PCNX4: variants seen among roughly 807,000 people sequenced by gnomAD.
The protein encoded by PCNX4 is pecanex-like protein 4.
A neutral mutation model predicts 107.2 loss-of-function variants in PCNX4; 103 were observed. The ratio of observed to expected loss-of-function variants is 0.96; its 90% CI spans 0.82 to 1.13. The LOEUF is 1.13. PCNX4 is among the 50% of genes most tolerant of loss of function. PCNX4 has a pLI of 0.00. For synonymous variants in PCNX4, 541 were observed against 481.7 expected, an observed-to-expected ratio of 1.12 and a Z score of -1.61; for missense variants, 1,528 against 1,379.4, an observed-to-expected ratio of 1.11 and a Z score of -1.71.
chr14:60,125,666 C>T lies in PCNX4; in HGVS notation c.3110C>T (p.Ala1037Val), dbSNP rs1410538667. Residue 1037 changes from alanine to valine, a missense_variant, in exon 10 of 11, where the codon GCA (alanine) becomes GTA (valine). Ala to Val is a moderately conservative substitution (Grantham distance 64). Transcript: ENST00000406854. ...ACTCTGAAACTAATGATTGATAAAGCAAGTTTAGGTCCAATAGAAGACTTT... is the reference window on the plus strand; with the variant it reads ...ACTCTGAAACTAATGATTGATAAAGTAAGTTTAGGTCCAATAGAAGACTTT... ...RYTLKLMIDKASLGPIEDFRE... is the reference protein window; with the variant it reads ...RYTLKLMIDKVSLGPIEDFRE... The T allele has an allele frequency of 6.5e-7, 1 of 1,549,684 alleles. No homozygotes were observed.
intron 2 of PCNX4, chr14:60,109,634 T>G (rs1895696715): frequency 6.2e-6 from 1 of 161,980 alleles, no homozygotes; most frequent in African/African-American, 2.4e-5. Flanking sequence ...AGAGACAGGG[T>G]TTCGCCATGT....
chr14:60,091,984 G>T lies in PCNX4; in HGVS notation c.-489G>T, dbSNP rs1217548464. On this transcript the variant is annotated 5_prime_UTR_variant, in exon 1 of 11. Coordinates refer to ENST00000406854, the MANE Select transcript of PCNX4 (RefSeq NM_001330177.2). ...CTCGGCTTTCCCCGCTGCTGCTTCTGCTAGGCCCAGTGCGAGACCAGAGCA... is the reference window on the plus strand; with the variant it reads ...CTCGGCTTTCCCCGCTGCTGCTTCTTCTAGGCCCAGTGCGAGACCAGAGCA... 2.0e-5 allele frequency: 3 copies of T among 152,424 alleles called. No individual in the cohort carries two copies. Among genetic ancestry groups the T allele is most frequent in the Non-Finnish European group, 4.4e-5 (3 of 68,194 alleles). 9.4% of individuals were successfully genotyped at this position (152,424 alleles called of 1,614,324 possible).
intron 1 of PCNX4, among the ~76,000 whole-genome samples, chr14:60,097,179 T>C (rs1278076420): frequency 6.6e-6 from 1 of 152,294 alleles, no homozygotes; most frequent in African/African-American, 2.4e-5. Context: ...GAAGGAAATC[T>C]CTTCACTGCT....
chr14:60,125,306 T>C (rs1896034234), intron 9 of PCNX4, 55 bp downstream of exon 9: 1 of 1,407,546 alleles, frequency 7.1e-7, no homozygotes, highest in African/African-American at 1.4e-5. Flanking sequence ...ATACTGATTT[T>C]TCTAAATCAC....
rs796807567 is a variant in PCNX4, at chr14:60,137,931, TAAAAA to T, written c.*3717_*3721del. 2.1e-5 allele frequency: 3 copies of T among 142,132 alleles called. No individual in the cohort carries two copies. Among genetic ancestry groups the T allele is most frequent in the African/African-American group, 5.2e-5 (2 of 38,824 alleles). 8.8% of individuals were successfully genotyped at this position (142,132 alleles called of 1,614,324 possible). A position where few individuals can be genotyped will look rare whatever the true frequency, so the allele number is the denominator to read the frequency against. On this transcript the variant is annotated 3_prime_UTR_variant, in exon 11 of 11. Coordinates refer to ENST00000406854, the MANE Select transcript of PCNX4 (RefSeq NM_001330177.2). The stretch of plus-strand genomic sequence containing the variant: ...AATGAAACCCCATCTGTAGTAAAAA[TAAAAA>T]AAAAAATAACCGGGTGTGGTGGTGG...
chr14:60,093,854 T>G lies in PCNX4; in HGVS notation c.-54+1435T>G, dbSNP rs73308194. ...TTCTCCACAGTCTCATGAATACTTA[T>G]TATTGTCTGCCATTTTTATTTTAGC... On this transcript the variant is annotated intron_variant, in intron 1 of 10. Coordinates refer to ENST00000406854, the MANE Select transcript of PCNX4 (RefSeq NM_001330177.2). 5.8e-3 allele frequency among the ~76,000 whole-genome samples: 885 copies of G among 152,362 alleles called. 9 individuals carry two copies. The highest frequency in any genetic ancestry group is 0.02 in the African/African-American group (840 of 41,590).
intron 1 of PCNX4, among the ~76,000 whole-genome samples, chr14:60,103,795 T>C (rs1458390218): frequency 1.3e-5 from 2 of 152,214 alleles, no homozygotes; most frequent in African/African-American, 4.8e-5. Flanking sequence ...CTCCAGTCAT[T>C]TCCTCCACAG....
Position 60,135,927 on chromosome 14 carries a change from T to G in PCNX4, c.*1706T>G, listed in dbSNP as rs1896234126. 2 of 152,204 alleles carry G rather than the reference T, an allele frequency of 1.3e-5. No homozygotes were observed. The highest frequency in any genetic ancestry group is 6.5e-5 in the Admixed American group (1 of 15,272). The allele number at this position is 152,204 out of a possible 1,614,324, so 9.4% of individuals were successfully genotyped here. ...TTGGACTACTGTCCCCCAAATAATG[T>G]GAATTTTAAGTTGTTTAGAGATTTT... On this transcript the variant is annotated 3_prime_UTR_variant, in exon 11 of 11. Transcript: ENST00000406854.
chr14:60,094,769 C>CG (rs918156420), intron 1 of PCNX4, among the ~76,000 whole-genome samples: 1 of 122,662 alleles, frequency 8.2e-6, no homozygotes, highest in Non-Finnish European at 1.7e-5. Flanking sequence ...GAGCCCCCCC[C>CG]CACCCCCATC....
chr14:60,132,273 C>T (rs999277567), intron 10 of PCNX4, among the ~76,000 whole-genome samples: 1 of 152,156 alleles, frequency 6.6e-6, no homozygotes, highest in Non-Finnish European at 1.5e-5. Context: ...TCTACCACTA[C>T]TTTCTTTTAT....
chr14:60,114,878 C>A lies in PCNX4; in HGVS notation c.868C>A (p.Arg290=). Residue 290 remains arginine (R), a splice_region_variant and synonymous_variant, in exon 3 of 11, where the codon CGG becomes AGG. Transcript: ENST00000406854. ...LGGSSMSTHL[R]LLVMFIMSAG... ...AGGCTCATCTATGTCAACCCACTTACGGTATTTATTTTTAAATATTGATGT... is the reference window on the plus strand; with the variant it reads ...AGGCTCATCTATGTCAACCCACTTAAGGTATTTATTTTTAAATATTGATGT... The A allele has an allele frequency of 6.3e-7, 1 of 1,595,378 alleles. No homozygotes were observed. Among genetic ancestry groups the A allele is most frequent in the Non-Finnish European group, 8.5e-7 (1 of 1,174,346 alleles).
chr14:60,115,710 T>C lies in PCNX4; in HGVS notation c.1358-9T>C, dbSNP rs1483475616. ...TTAATTAAATTTCTCTCTTTTTGTT[T>C]TGTTTTAGTATCACCTTTTGCCATG... is the stretch of plus-strand genomic sequence containing the variant. On this transcript the variant is annotated splice_polypyrimidine_tract_variant and intron_variant, in intron 4 of 10. Coordinates refer to ENST00000406854, the MANE Select transcript of PCNX4 (RefSeq NM_001330177.2). The C allele has an allele frequency of 6.2e-7, 1 of 1,602,946 alleles. No homozygotes were observed. The highest frequency in any genetic ancestry group is 8.5e-7 in the Non-Finnish European group (1 of 1,173,114).
rs191270229 is a variant in PCNX4, at chr14:60,141,849, T to C, written c.*7628T>C. 3 of 152,352 alleles carry C rather than the reference T, an allele frequency of 2.0e-5. No individual in the cohort carries two copies. The highest frequency in any genetic ancestry group is 7.2e-5 in the African/African-American group (3 of 41,586). The allele number at this position is 152,352 out of a possible 1,614,324, so 9.4% of individuals were successfully genotyped here. On this transcript the variant is annotated 3_prime_UTR_variant, in exon 11 of 11. Coordinates refer to ENST00000406854, the MANE Select transcript of PCNX4 (RefSeq NM_001330177.2). ...CTATGAGCATTCATTTACAAGTCTT[T>C]ATGTGGACATAAGCTTTCATTTCTC...
At position 60,125,709 on chromosome 14, in the gene PCNX4, C is replaced by T. The variant is rs1361327391; in HGVS notation, c.3153C>T (p.Tyr1051=). The T allele has an allele frequency of 6.2e-7, 1 of 1,607,454 alleles. No homozygotes were observed. The highest frequency in any genetic ancestry group is 1.1e-5 in the South Asian group (1 of 90,046). Reference sequence around the variant, plus strand: ...AAGACTTTAGAGAACTGATTAAGTACCTTGAAGAATATGAACGTGACTGGT... The same window carrying T: ...AAGACTTTAGAGAACTGATTAAGTATCTTGAAGAATATGAACGTGACTGGT... ...PIEDFRELIK[Y]LEEYERDWYI... Residue 1051 remains tyrosine (Y), a synonymous_variant, in exon 10 of 11, where the codon TAC becomes TAT. Coordinates refer to ENST00000406854, the MANE Select transcript of PCNX4 (RefSeq NM_001330177.2).
In PCNX4 at chr14:60,139,073, GAAC is replaced by G. The variant is rs542523000; in HGVS notation, c.*4855_*4857del. 11 of 151,976 alleles carry G rather than the reference GAAC, an allele frequency of 7.2e-5. No individual in the cohort carries two copies. Among genetic ancestry groups the G allele is most frequent in the Admixed American group, 2.0e-4 (3 of 15,248 alleles). The allele number at this position is 151,976 out of a possible 1,614,324, so 9.4% of individuals were successfully genotyped here. A position where few individuals can be genotyped will look rare whatever the true frequency, so the allele number is the denominator to read the frequency against. On this transcript the variant is annotated 3_prime_UTR_variant, in exon 11 of 11. Coordinates refer to ENST00000406854, the MANE Select transcript of PCNX4 (RefSeq NM_001330177.2). ...AAGGCAAAAAGGTAGAGAAAATATA[GAAC>G]AAATAGGACAAATAGAAATCAAACA...
intron 2 of PCNX4, chr14:60,108,751 G>C (rs1895679421): frequency 6.4e-6 from 1 of 157,450 alleles, no homozygotes; most frequent in East Asian, 1.9e-4. Context: ...TTTTATGATA[G>C]CAACAATAGT....
In PCNX4 at chr14:60,118,555, G is replaced by A. The variant is rs190033446; in HGVS notation, c.1805G>A (p.Gly602Glu). 1.2e-6 allele frequency: 2 copies of A among 1,613,420 alleles called. No homozygotes were observed. The highest frequency in any genetic ancestry group is 1.3e-5 in the African/African-American group (1 of 74,810). Residue 602 changes from glycine to glutamate, a missense_variant, in exon 7 of 11, where the codon GGG (glycine) becomes GAG (glutamate). Transcript: ENST00000406854. ...TTCACCCTTCCTGTGTTCTTGGTGG[G>A]GTTTCCCCGACCTATTCAGAGTTGG... is the stretch of plus-strand genomic sequence containing the variant. ...PLFTLPVFLVGFPRPIQSWPG... is the reference protein window; with the variant it reads ...PLFTLPVFLVEFPRPIQSWPG...
chr14:60,130,914 G>A (rs1035948274), intron 10 of PCNX4, among the ~76,000 whole-genome samples: 6 of 152,058 alleles, frequency 3.9e-5, no homozygotes, highest in Non-Finnish European at 8.8e-5. Context: ...CCAGCCTGAT[G>A]GTAGTAGGAG....
intron 2 of PCNX4, among the ~76,000 whole-genome samples, chr14:60,113,203 C>T (rs1895773151): frequency 6.6e-6 from 1 of 152,126 alleles, no homozygotes; most frequent in African/African-American, 2.4e-5. Context: ...ATTTGAAGGG[C>T]ATACATTATG....
Sources: gnomAD v4.1 joint callset for allele counts (sites outside exome capture counted in the v4.1 genomes callset) on GRCh38, gnomAD v4.1.1 for gene constraint, MANE v1.5 for transcripts, NCBI Gene and HGNC (gene_info 2026-07-23, HGNC 2026-07-21) for gene names.